PRKN: variants seen among roughly 807,000 people sequenced by gnomAD.
PRKN encodes the protein E3 ubiquitin-protein ligase parkin.
PRKN carries 56 observed loss-of-function variants against 59.5 expected under a neutral mutation model. That is an observed-to-expected ratio of 0.94 (90% CI 0.76 to 1.18). The LOEUF (loss-of-function observed/expected upper bound fraction) is 1.18, where lower values mean the gene tolerates loss of function less well. PRKN is among the 50% of genes most tolerant of loss of function. The probability of loss-of-function intolerance (pLI) is 0.00; values close to 1 mark genes in which losing one functional copy is unlikely to be tolerated. For synonymous variants in PRKN, 250 were observed against 222.1 expected, an observed-to-expected ratio of 1.13 and a Z score of -1.12; for missense variants, 657 against 596.4, an observed-to-expected ratio of 1.10 and a Z score of -1.06.
At chr6:161,632,852 T>A (rs1783366858) in intron 7 of PRKN, among the ~76,000 whole-genome samples, 1 of 152,166 alleles carries the variant, frequency 6.6e-6, no homozygotes, top group Non-Finnish European at 1.5e-5. Context: ...CTCACTATCA[T>A]GAGAATAGCA....
chr6:162,563,105 A>G (rs958730816), intron 1 of PRKN, among the ~76,000 whole-genome samples: 20 of 152,184 alleles, frequency 1.3e-4, no homozygotes, highest in African/African-American at 4.6e-4. Flanking sequence ...GATCAAGACC[A>G]TCTTGGCTAA....
At chr6:161,895,895 G>A (rs942381250) in intron 6 of PRKN, among the ~76,000 whole-genome samples, 2 of 152,146 alleles carry the variant, frequency 1.3e-5, no homozygotes, top group Admixed American at 1.3e-4. Context: ...GCTGAGCAGT[G>A]AAGGAAAAAT....
At chr6:161,476,677 G>T (rs931206351) in intron 9 of PRKN, among the ~76,000 whole-genome samples, 2 of 152,186 alleles carry the variant, frequency 1.3e-5, no homozygotes, top group African/African-American at 4.8e-5. Flanking sequence ...AAGACCCACC[G>T]ATTTGTTTCT....
intron 1 of PRKN, among the ~76,000 whole-genome samples, chr6:162,646,435 G>A (rs894831359): frequency 1.3e-5 from 2 of 151,756 alleles, no homozygotes; most frequent in African/African-American, 4.8e-5. Flanking sequence ...ACCATGCTTG[G>A]CTAATTTTTT....
intron 4 of PRKN, among the ~76,000 whole-genome samples, chr6:162,082,567 T>G (rs1363616408): frequency 6.6e-6 from 1 of 152,102 alleles, no homozygotes; most frequent in Non-Finnish European, 1.5e-5. Context: ...TTCAAGGAAT[T>G]TTCCTTTGCA....
In PRKN at chr6:161,413,093, A is replaced by C. The variant is rs1433665054; in HGVS notation, c.1084-26216T>G. The stretch of plus-strand genomic sequence containing the variant: ...CTGGCAGCAAATTCAGCTCCTTTGG[A>C]AATTATATTACCTTTTCTGAACACC... On this transcript the variant is annotated intron_variant, in intron 9 of 11. Coordinates refer to ENST00000366898, the MANE Select transcript of PRKN (RefSeq NM_004562.3). The surrounding 1 kb of genome is among the most constrained non-coding windows in gnomAD (Gnocchi z 4.4). 6.6e-6 allele frequency among the ~76,000 whole-genome samples: 1 copy of C among 152,146 alleles called. No individual in the cohort carries two copies.
chr6:162,528,677 C>T (rs77604305), intron 1 of PRKN, among the ~76,000 whole-genome samples: 263 of 150,938 alleles, frequency 1.7e-3, no homozygotes, highest in African/African-American at 6.1e-3. Context: ...AGATGGGGCA[C>T]GGTGGCAAGG....
intron 4 of PRKN, among the ~76,000 whole-genome samples, chr6:162,066,270 A>G (rs763109467): frequency 2.6e-5 from 4 of 152,198 alleles, no homozygotes; most frequent in Non-Finnish European, 4.4e-5. Flanking sequence ...CTATCTAGGC[A>G]TCCTTCAATC....
At chr6:162,608,819 T>C (rs545527396) in intron 1 of PRKN, among the ~76,000 whole-genome samples, 6 of 151,930 alleles carry the variant, frequency 3.9e-5, no homozygotes, top group South Asian at 2.1e-4. Flanking sequence ...ATGCAAAACA[T>C]GTGTGGGTGG....
chr6:162,696,303 T>C (rs1777964156), intron 1 of PRKN, among the ~76,000 whole-genome samples: 1 of 152,114 alleles, frequency 6.6e-6, no homozygotes, highest in South Asian at 2.1e-4. Context: ...AATGATGTGC[T>C]TCCCCCTGCC....
Position 161,356,672 on chromosome 6 carries a change from T to C in PRKN, c.1285+3416A>G, listed in dbSNP as rs1784768472. On this transcript the variant is annotated intron_variant, in intron 11 of 11. Coordinates refer to ENST00000366898, the MANE Select transcript of PRKN (RefSeq NM_004562.3). This position sits in a 1 kb window ranked among gnomAD's most constrained non-coding sequence, Gnocchi z 7.8. ...GTGAGGAAGAGCATGGAATGAAGGA[T>C]GAGCTTTAGCTTAGCGGCTTGAGGA... Among the ~76,000 whole-genome samples the C allele has an allele frequency of 6.6e-6, 1 of 152,064 alleles. No homozygotes were observed. The highest frequency in any genetic ancestry group is 2.4e-5 in the African/African-American group (1 of 41,386).
chr6:162,343,113 TA>T (rs1784257330), intron 2 of PRKN, among the ~76,000 whole-genome samples: 1 of 152,164 alleles, frequency 6.6e-6, no homozygotes, highest in African/African-American at 2.4e-5. Context: ...GCTAAATAAA[TA>T]TTTCTCATCA....
At chr6:161,931,377 G>A (rs1020924696) in intron 6 of PRKN, among the ~76,000 whole-genome samples, 14 of 152,260 alleles carry the variant, frequency 9.2e-5, no homozygotes, top group Non-Finnish European at 1.3e-4. Context: ...GGTAGAGGTT[G>A]CAGTGAGCAG....
chr6:162,303,325 T>C (rs1782051051), intron 2 of PRKN, among the ~76,000 whole-genome samples: 1 of 152,116 alleles, frequency 6.6e-6, no homozygotes, highest in Non-Finnish European at 1.5e-5. Context: ...AGACAGCAAG[T>C]CTATTCCCCC....
At chr6:161,433,324 C>A (rs892187330) in intron 9 of PRKN, among the ~76,000 whole-genome samples, 7 of 152,124 alleles carry the variant, frequency 4.6e-5, no homozygotes, top group Admixed American at 4.6e-4. Flanking sequence ...TACCATTTCA[C>A]TTTTTGTTTA....
At chr6:161,540,492 T>G (rs1211968094) in intron 9 of PRKN, among the ~76,000 whole-genome samples, 1 of 152,176 alleles carries the variant, frequency 6.6e-6, no homozygotes, top group African/African-American at 2.4e-5. Context: ...CAAAAATACA[T>G]TTGAGGCAAA....
chr6:161,505,296 T>C (rs1202966811), intron 9 of PRKN, among the ~76,000 whole-genome samples: 3 of 152,046 alleles, frequency 2.0e-5, no homozygotes, highest in Admixed American at 1.3e-4. Context: ...CATTTTTTCA[T>C]GTGTTTTTTG....
chr6:162,095,616 T>C (rs752530766), intron 4 of PRKN, among the ~76,000 whole-genome samples: 5 of 152,224 alleles, frequency 3.3e-5, no homozygotes, highest in Non-Finnish European at 5.9e-5. Flanking sequence ...CTGTGCAATG[T>C]TTCTGATACC....
rs142837575 is a variant in PRKN, at chr6:161,639,377, C to T, written c.872-69961G>A. On this transcript the variant is annotated intron_variant, in intron 7 of 11. Coordinates refer to ENST00000366898, the MANE Select transcript of PRKN (RefSeq NM_004562.3). ...TGAAAAGCAATTGTTAGCGCAACGT[C>T]GGCACACTCTCTTTTCTGGCTTCAT... Among the ~76,000 whole-genome samples the T allele has an allele frequency of 3.0e-3, 452 of 152,182 alleles. 3 individuals carry two copies. Among genetic ancestry groups the T allele is most frequent in the African/African-American group, 0.01 (435 of 41,530 alleles).
Sources: gnomAD v4.1 joint callset for allele counts (sites outside exome capture counted in the v4.1 genomes callset) on GRCh38, gnomAD v4.1.1 for gene constraint, Gnocchi (gnomAD v3.1) non-coding constraint, MANE v1.5 for transcripts, NCBI Gene and HGNC (gene_info 2026-07-23, HGNC 2026-07-21) for gene names.